Variants in SPOCK1 observed in about 807,000 individuals in gnomAD.
The protein encoded by SPOCK1 is testican-1.
In SPOCK1, 23 loss-of-function variants were observed where a neutral mutation model predicts 55.3. The observed-to-expected ratio is 0.42, with a 90% CI of 0.30 to 0.59. SPOCK1 has a LOEUF of 0.59. Ranked by LOEUF, SPOCK1 falls within the 20% of genes least tolerant of loss-of-function variation. The pLI, the probability that SPOCK1 is intolerant of heterozygous loss-of-function variation, is 0.22. For missense variants in SPOCK1, 499 were observed against 552.5 expected (o/e 0.90, Z 0.97); for synonymous variants, 226 against 221.0 (o/e 1.02, Z -0.20).
intron 2 of SPOCK1, among the ~76,000 whole-genome samples, chr5:137,357,422 G>A (rs1259801211): frequency 6.6e-6 from 1 of 152,170 alleles, no homozygotes; most frequent in Admixed American, 6.5e-5. Context: ...CACAGGGTGA[G>A]GCATTGGGGG....
chr5:137,223,489 T>C (rs1047188989), intron 3 of SPOCK1, among the ~76,000 whole-genome samples: 17 of 152,170 alleles, frequency 1.1e-4, no homozygotes, highest in African/African-American at 3.6e-4. Flanking sequence ...TTCCTCACAA[T>C]TGACTACGTA....
intron 2 of SPOCK1, among the ~76,000 whole-genome samples, chr5:137,367,511 T>C (rs1751099878): frequency 6.6e-6 from 1 of 152,190 alleles, no homozygotes. Flanking sequence ...GAAAAAAATA[T>C]AAATAACTCA....
At chr5:137,104,009 A>C (rs1220915942) in intron 5 of SPOCK1, among the ~76,000 whole-genome samples, 1 of 152,226 alleles carries the variant, frequency 6.6e-6, no homozygotes, top group African/African-American at 2.4e-5. Flanking sequence ...AGTTGGTTAG[A>C]TGCCACTGAG....
Position 136,990,621 on chromosome 5 carries a change from T to C in SPOCK1, c.706+1863A>G, listed in dbSNP as rs115055021. Among the ~76,000 whole-genome samples, 387 of 137,992 alleles carry C rather than the reference T, an allele frequency of 2.8e-3. 2 individuals are homozygous for C. Among genetic ancestry groups the C allele is most frequent in the African/African-American group, 0.011 (369 of 34,230 alleles). The allele number at this position is 137,992 out of a possible 152,430, so 90.5% of individuals were successfully genotyped here. On this transcript the variant is annotated intron_variant, in intron 7 of 10. Transcript: ENST00000394945. ...CCCCTTCTTTGATCGAATGTCATGA[T>C]TGTCAATAGTCTTTGATGATGCTGT...
intron 2 of SPOCK1, among the ~76,000 whole-genome samples, chr5:137,404,131 G>T (rs551761703): frequency 1.1e-4 from 17 of 152,146 alleles, no homozygotes; most frequent in Non-Finnish European, 2.5e-4. Flanking sequence ...TCTGATCCTG[G>T]AGTCACCAAC....
intron 3 of SPOCK1, among the ~76,000 whole-genome samples, chr5:137,246,628 G>T (rs1191136768): frequency 6.6e-6 from 1 of 152,128 alleles, no homozygotes; most frequent in African/African-American, 2.4e-5. Context: ...CTCTAAATTT[G>T]ATGGCCCTGA....
At chr5:137,122,016 T>G (rs189024354) in intron 4 of SPOCK1, among the ~76,000 whole-genome samples, 1 of 151,172 alleles carries the variant, frequency 6.6e-6, no homozygotes, top group Admixed American at 6.6e-5. Flanking sequence ...ACTCACAATA[T>G]CCTCCATGTT....
intron 6 of SPOCK1, among the ~76,000 whole-genome samples, chr5:137,032,664 C>T (rs574697901): frequency 1.1e-4 from 16 of 152,134 alleles, no homozygotes; most frequent in African/African-American, 3.1e-4. Flanking sequence ...GAAGAGTTTG[C>T]GGAAGGAAGG....
At chr5:136,981,773 A>G (rs1375562936) in intron 9 of SPOCK1, among the ~76,000 whole-genome samples, 2 of 152,206 alleles carry the variant, frequency 1.3e-5, no homozygotes, top group African/African-American at 4.8e-5. Context: ...CATGAATGCT[A>G]ACAAATCTTA....
At chr5:137,428,789 C>T (rs1335161396) in intron 2 of SPOCK1, among the ~76,000 whole-genome samples, 1 of 152,158 alleles carries the variant, frequency 6.6e-6, no homozygotes, top group Admixed American at 6.5e-5. Context: ...CTAATTCCTC[C>T]ACCTTAAAGT....
chr5:136,984,223 C>CTAAGAGAAGAAAA, intron 9 of SPOCK1, among the ~76,000 whole-genome samples: 1 of 152,116 alleles, frequency 6.6e-6, no homozygotes, highest in African/African-American at 2.4e-5. Flanking sequence ...TCAAAAAATC[C>CTAAGAGAAGAAAA]TAAGAGAAGA....
chr5:137,452,160 T>C (rs192214856), intron 2 of SPOCK1, among the ~76,000 whole-genome samples: 69 of 152,354 alleles, frequency 4.5e-4, no homozygotes, highest in Non-Finnish European at 8.4e-4. Context: ...CCACTAACCA[T>C]GTAGAAAACC....
chr5:137,090,004 C>T (rs1025330287), intron 5 of SPOCK1, among the ~76,000 whole-genome samples: 1 of 152,128 alleles, frequency 6.6e-6, no homozygotes, highest in Non-Finnish European at 1.5e-5. Context: ...GGTGTAAGCA[C>T]TAGGATCTAA....
chr5:137,267,140 C>T, intron 2 of SPOCK1, 85 bp from the exon 3 acceptor site: 1 of 1,115,240 alleles, frequency 9.0e-7, no homozygotes, highest in Non-Finnish European at 1.3e-6. Context: ...TCCTTTTCAC[C>T]TCCCAAAACA....
intron 2 of SPOCK1, among the ~76,000 whole-genome samples, chr5:137,382,600 C>G (rs1486554946): frequency 6.6e-6 from 1 of 152,158 alleles, no homozygotes; most frequent in East Asian, 1.9e-4. Context: ...AAGCAAGGAC[C>G]TTCTTCACAT....
At chr5:137,378,325 C>T (rs1440656828) in intron 2 of SPOCK1, among the ~76,000 whole-genome samples, 2 of 152,320 alleles carry the variant, frequency 1.3e-5, no homozygotes, top group African/African-American at 2.4e-5. Context: ...CACAGCTTTA[C>T]AGCTAGAAGA....
intron 6 of SPOCK1, among the ~76,000 whole-genome samples, chr5:137,033,974 A>G (rs1319796402): frequency 6.6e-6 from 1 of 152,182 alleles, no homozygotes; most frequent in Non-Finnish European, 1.5e-5. Context: ...ATCACAGTCC[A>G]TGTCTCCCAC....
chr5:137,433,014 G>A (rs1752782243), intron 2 of SPOCK1, among the ~76,000 whole-genome samples: 1 of 152,156 alleles, frequency 6.6e-6, no homozygotes, highest in Non-Finnish European at 1.5e-5. Context: ...GAAACCAAAG[G>A]TAAGTCAAAT....
intron 2 of SPOCK1, among the ~76,000 whole-genome samples, chr5:137,440,654 T>C (rs767551393): frequency 2.0e-5 from 3 of 152,260 alleles, no homozygotes; most frequent in Non-Finnish European, 4.4e-5. Context: ...AACCACATTA[T>C]GGTGAAGTGT....
Sources: allele counts gnomAD v4.1 joint callset (sites outside exome capture counted in the v4.1 genomes callset), GRCh38; gene constraint gnomAD v4.1.1; transcripts MANE v1.5; gene names NCBI Gene and HGNC (gene_info 2026-07-23, HGNC 2026-07-21).